Variants in FILIP1L observed in about 807,000 individuals in gnomAD.
FILIP1L encodes the protein filamin A-interacting protein 1-like.
In FILIP1L, 55 loss-of-function variants were observed where a neutral mutation model predicts 96.6. That is an observed-to-expected ratio of 0.57 (90% CI 0.46 to 0.71). The LOEUF is 0.71. FILIP1L is among the 30% of genes least tolerant of loss of function. The pLI, the probability that FILIP1L is intolerant of heterozygous loss-of-function variation, is 0.00. For synonymous variants in FILIP1L, 467 were observed against 473.9 expected, an observed-to-expected ratio of 0.99 and a Z score of 0.19; for missense variants, 1,304 against 1,321.2, an observed-to-expected ratio of 0.99 and a Z score of 0.20.
chr3:99,879,434 A>G (rs793447), intron 4 of FILIP1L, among the ~76,000 whole-genome samples: 40,342 of 152,096 alleles, frequency 0.27, 6,056 homozygotes, highest in Admixed American at 0.34. Context: ...TCATTATTTA[A>G]CTTTTAAAAA....
intron 1 of FILIP1L, among the ~76,000 whole-genome samples, chr3:100,022,750 A>G (rs1011669735): frequency 6.6e-6 from 1 of 152,168 alleles, no homozygotes; most frequent in Non-Finnish European, 1.5e-5. Context: ...ATTTGTTCCC[A>G]TGGTTATTTT....
At chr3:99,881,392 C>A (rs73136665) in intron 4 of FILIP1L, among the ~76,000 whole-genome samples, 2,578 of 152,096 alleles carry the variant, frequency 0.017, 24 homozygotes, top group East Asian at 0.025. Flanking sequence ...TGAAAAAAAA[C>A]CCCCAAATCA....
chr3:99,983,451 T>TAC (rs1709212579), intron 1 of FILIP1L, among the ~76,000 whole-genome samples: 2 of 7,854 alleles, frequency 2.5e-4, no homozygotes, highest in Non-Finnish European at 4.5e-4. Flanking sequence ...TGTATGTATA[T>TAC]ATATATATGT....
chr3:100,035,621 C>A (rs1386111780), intron 1 of FILIP1L, among the ~76,000 whole-genome samples: 1 of 152,152 alleles, frequency 6.6e-6, no homozygotes, highest in Non-Finnish European at 1.5e-5. Flanking sequence ...ACACTTTGAC[C>A]TTTTTCACCC....
At chr3:99,883,862 G>A (rs1371288172) in intron 4 of FILIP1L, among the ~76,000 whole-genome samples, 1 of 152,174 alleles carries the variant, frequency 6.6e-6, no homozygotes, top group Non-Finnish European at 1.5e-5. Context: ...TAGGTAATTT[G>A]TCTAAGATCA....
intron 1 of FILIP1L, among the ~76,000 whole-genome samples, chr3:100,110,579 T>TA (rs910628552): frequency 6.6e-6 from 1 of 151,986 alleles, no homozygotes; most frequent in Non-Finnish European, 1.5e-5. Context: ...AGGAAGAACG[T>TA]AAAAAAAGAA....
intron 1 of FILIP1L, among the ~76,000 whole-genome samples, chr3:100,100,663 C>T (rs931404611): frequency 6.6e-6 from 1 of 152,144 alleles, no homozygotes; most frequent in African/African-American, 2.4e-5. Flanking sequence ...AATGAAAATA[C>T]AGTAAATGAA....
Position 99,922,825 on chromosome 3 carries a change from G to A in FILIP1L, c.605+1405C>T, listed in dbSNP as rs117898337. Among the ~76,000 whole-genome samples, 99 of 152,126 alleles carry A rather than the reference G, an allele frequency of 6.5e-4. 1 individual carries two copies. The East Asian group carries it at 0.018, about 28-fold the overall frequency. On this transcript the variant is annotated intron_variant, in intron 4 of 5. Coordinates refer to ENST00000477258, the MANE Select transcript of FILIP1L (RefSeq NM_001387850.1). ...CCAAACTCTCCTTTTTTGCAGCCACGCTTCTCAAAATGCTAGTTCACATTT... is the reference window on the plus strand; with the variant it reads ...CCAAACTCTCCTTTTTTGCAGCCACACTTCTCAAAATGCTAGTTCACATTT...
At chr3:100,052,815 A>C in intron 1 of FILIP1L, among the ~76,000 whole-genome samples, 1 of 152,234 alleles carries the variant, frequency 6.6e-6, no homozygotes, top group South Asian at 2.1e-4. Flanking sequence ...TACAAGATAA[A>C]GTTATAAATA....
At chr3:99,870,134 C>A (rs1944718070) in intron 4 of FILIP1L, among the ~76,000 whole-genome samples, 1 of 152,298 alleles carries the variant, frequency 6.6e-6, no homozygotes, top group East Asian at 1.9e-4. Context: ...ATTATTCAAT[C>A]TTTATTGAGT....
rs1295560210 is a variant in FILIP1L at position 99,882,906 on chromosome 3, C to T, written c.606-31836G>A. 2.6e-5 allele frequency among the ~76,000 whole-genome samples: 4 copies of T among 152,160 alleles called. No homozygotes were observed. The East Asian group carries it at 5.8e-4, about 22-fold the overall frequency. ...ATAGATTGCTGCTTATCATCTCAGG[C>T]CACTAAGATTGGCCACATGTCAAAA... On this transcript the variant is annotated intron_variant, in intron 4 of 5. Coordinates refer to ENST00000477258, the MANE Select transcript of FILIP1L (RefSeq NM_001387850.1).
intron 1 of FILIP1L, among the ~76,000 whole-genome samples, chr3:100,026,540 G>T (rs140588464): frequency 6.2e-4 from 95 of 152,146 alleles, no homozygotes; most frequent in African/African-American, 2.1e-3. Context: ...TGGAAGTCTG[G>T]ATTATTAAAT....
At position 99,848,849 on chromosome 3, in the gene FILIP1L, T is replaced by C. The variant is rs755001665; in HGVS notation, c.2827A>G (p.Lys943Glu). 5 of 1,614,114 alleles carry C rather than the reference T, an allele frequency of 3.1e-6. No homozygotes were observed. The African/African-American group carries it at 6.7e-5, about 22-fold the overall frequency. ...TAVIPNCGTPKQRITILQNAS... is the reference protein window; with the variant it reads ...TAVIPNCGTPEQRITILQNAS... ...TTTTGGAGGATGGTTATCCTTTGCT[T>C]TGGCGTGCCACAGTTCGGTATCACT... Residue 943 changes from lysine to glutamate, a missense_variant, in exon 5 of 6, where the codon AAG (lysine) becomes GAG (glutamate). Lys to Glu is a moderately conservative substitution (Grantham distance 56, BLOSUM62 1). Coordinates refer to ENST00000477258, the MANE Select transcript of FILIP1L (RefSeq NM_001387850.1).
chr3:99,992,019 T>TACAC (rs1709538496), intron 1 of FILIP1L, among the ~76,000 whole-genome samples: 1 of 150,822 alleles, frequency 6.6e-6, no homozygotes, highest in African/African-American at 2.4e-5. Context: ...TGTGTATATA[T>TACAC]ATATATACGT....
At chr3:99,888,832 T>C (rs966773990) in intron 4 of FILIP1L, among the ~76,000 whole-genome samples, 2 of 152,244 alleles carry the variant, frequency 1.3e-5, no homozygotes, top group Non-Finnish European at 2.9e-5. Context: ...CTAAGAACTT[T>C]AGCTTGTCTC....
intron 1 of FILIP1L, among the ~76,000 whole-genome samples, chr3:99,986,247 A>T (rs950604884): frequency 2.6e-5 from 4 of 152,232 alleles, no homozygotes; most frequent in Non-Finnish European, 5.9e-5. Flanking sequence ...TCATGCATCA[A>T]TCTGTAAATT....
intron 1 of FILIP1L, among the ~76,000 whole-genome samples, chr3:100,069,893 C>G (rs534132575): frequency 5.3e-5 from 8 of 152,092 alleles, no homozygotes; most frequent in African/African-American, 1.9e-4. Context: ...CTATCCAGTT[C>G]ATTTTGTTGG....
At chr3:100,010,572 G>A (rs1177178291) in intron 1 of FILIP1L, among the ~76,000 whole-genome samples, 1 of 151,420 alleles carries the variant, frequency 6.6e-6, no homozygotes, top group Non-Finnish European at 1.5e-5. Flanking sequence ...TTCTATACAT[G>A]TTGGCTAAAG....
chr3:100,088,888 T>A, intron 1 of FILIP1L, among the ~76,000 whole-genome samples: 1 of 152,170 alleles, frequency 6.6e-6, no homozygotes, highest in Non-Finnish European at 1.5e-5. Context: ...GATGTAAATG[T>A]TTGTTTTTTG....
Sources: gnomAD v4.1 joint callset for allele counts (sites outside exome capture counted in the v4.1 genomes callset) on GRCh38, gnomAD v4.1.1 for gene constraint, MANE v1.5 for transcripts, NCBI Gene and HGNC (gene_info 2026-07-23, HGNC 2026-07-21) for gene names.